Variants in MORN2 observed in about 807,000 individuals in gnomAD.
MORN2 encodes the protein MORN repeat containing 2, also known as MORN repeat-containing protein 2.
In MORN2, 15 loss-of-function variants were observed where a neutral mutation model predicts 13.4. The observed-to-expected ratio is 1.12, with a 90% CI of 0.75 to 1.72. The LOEUF is 1.72. MORN2 is among the 40% of genes most tolerant of loss of function. MORN2 has a pLI of 0.00. For missense variants in MORN2, 168 were observed against 134.6 expected, an observed-to-expected ratio of 1.25 and a Z score of -1.23; for synonymous variants, 46 against 43.6, an observed-to-expected ratio of 1.06 and a Z score of -0.22.
At chr2:38,882,207 G>T (rs1466562439) in intron 4 of MORN2, among the ~76,000 whole-genome samples, 1 of 148,436 alleles carries the variant, frequency 6.7e-6, no homozygotes, top group Non-Finnish European at 1.5e-5. Context: ...GTTTTTGTTT[G>T]GAATAGTATG....
intron 1 of MORN2, among the ~76,000 whole-genome samples, chr2:38,879,008 GT>G (rs1322207559): frequency 6.6e-6 from 1 of 152,184 alleles, no homozygotes; most frequent in Non-Finnish European, 1.5e-5. Context: ...GGAAAATACA[GT>G]TTCTAGTTTT....
At chr2:38,879,119 G>GGACC (rs1192149596) in intron 1 of MORN2, among the ~76,000 whole-genome samples, 1 of 152,120 alleles carries the variant, frequency 6.6e-6, no homozygotes, top group Non-Finnish European at 1.5e-5. Flanking sequence ...GTCTCATTCT[G>GGACC]TGTGGACCTA....
intron 2 of MORN2, 25 bp from the exon 3 acceptor site, chr2:38,880,575 T>A (rs1665750904): frequency 7.0e-7 from 1 of 1,434,144 alleles, no homozygotes; most frequent in Non-Finnish European, 9.4e-7. Flanking sequence ...TCATTTATAA[T>A]CTTCAGTTTT....
At chr2:38,878,877 TG>T (rs1424868671) in intron 1 of MORN2, among the ~76,000 whole-genome samples, 1 of 152,154 alleles carries the variant, frequency 6.6e-6, no homozygotes, top group African/African-American at 2.4e-5. Flanking sequence ...TAAATTCCCT[TG>T]CCCCACCCGT....
chr2:38,882,350 C>G (rs1665793767), intron 4 of MORN2, 63 bp from the exon 5 acceptor site: 1 of 950,380 alleles, frequency 1.1e-6, no homozygotes. Context: ...GCTAGAAAAT[C>G]TTATATCTGG....
Position 38,880,714 on chromosome 2 carries a change from T to A in MORN2, c.216+8T>A. The A allele has an allele frequency of 6.5e-7, 1 of 1,549,950 alleles. No individual in the cohort carries two copies. The highest frequency in any genetic ancestry group is 8.7e-7 in the Non-Finnish European group (1 of 1,146,690). ...AGCTGGAAAGATGACAAGGTATTATTGTTGTTTTTAATATTGGCAGTGGAT... is the reference window on the plus strand; with the variant it reads ...AGCTGGAAAGATGACAAGGTATTATAGTTGTTTTTAATATTGGCAGTGGAT... On this transcript the variant is annotated splice_region_variant and intron_variant, in intron 3 of 4. Transcript: ENST00000644631.
rs1279869470 is a variant in MORN2, at chr2:38,876,083, G to A, written c.31G>A (p.Glu11Lys). The change falls in exon 1 of 5, where the codon GAA (glutamate) becomes AAA (lysine). Residue 11 changes from glutamate to lysine, a missense_variant. Physicochemically the swap from Glu to Lys is moderately conservative, Grantham distance 56 (BLOSUM62 1). Coordinates refer to ENST00000644631, the MANE Select transcript of MORN2 (RefSeq NM_001145450.3). ...CGCCCAGGGGGAGTCGCAGAGTTTG[G>A]AAGATCTCTCTAACACCTCTCGGCC... is the stretch of plus-strand genomic sequence containing the variant. The A allele has an allele frequency of 2.5e-6, 1 of 398,670 alleles. No individual in the cohort carries two copies. Among genetic ancestry groups the A allele is most frequent in the Non-Finnish European group, 4.4e-6 (1 of 226,204 alleles). 24.7% of individuals were successfully genotyped at this position (398,670 alleles called of 1,614,324 possible).
Position 38,880,200 on chromosome 2 carries a change from G to C in MORN2, c.80G>C (p.Ser27Thr), listed in dbSNP as rs1001005568. ...ACAGCTTCAGAAGTGTATAAGATCA[G>C]CTTTATCTTTCCAAATGGAGACAAG... The change falls in exon 2 of 5, where the codon AGC becomes ACC. Residue 27 changes from serine to threonine, a missense_variant. By Grantham distance (58) the Ser-to-Thr change is moderately conservative. Coordinates refer to ENST00000644631, the MANE Select transcript of MORN2 (RefSeq NM_001145450.3). 2.5e-6 allele frequency: 1 copy of C among 398,888 alleles called. No individual in the cohort carries two copies. The highest frequency in any genetic ancestry group is 2.1e-5 in the African/African-American group (1 of 48,612). The allele number at this position is 398,888 out of a possible 1,614,324, so 24.7% of individuals were successfully genotyped here. A position where few individuals can be genotyped will look rare whatever the true frequency, so the allele number is the denominator to read the frequency against.
chr2:38,877,865 G>C (rs538463921), intron 1 of MORN2, among the ~76,000 whole-genome samples: 1 of 151,320 alleles, frequency 6.6e-6, no homozygotes, highest in Middle Eastern at 3.2e-3. Context: ...GGGTGTGATC[G>C]GACTCACTGC....
rs1665775356 is a variant in MORN2, at chr2:38,881,442, A to G, written c.217A>G (p.Met73Val). 6.5e-7 allele frequency: 1 copy of G among 1,533,356 alleles called. No homozygotes were observed. The highest frequency in any genetic ancestry group is 8.8e-7 in the Non-Finnish European group (1 of 1,142,092). The allele number at this position is 1,533,356 out of a possible 1,614,324, so 95.0% of individuals were successfully genotyped here. The change falls in exon 4 of 5, where the codon ATG becomes GTG. Residue 73 changes from methionine (M) to valine (V), a missense_variant and splice_region_variant. Coordinates refer to ENST00000644631, the MANE Select transcript of MORN2 (RefSeq NM_001145450.3). Reference sequence around the variant, plus strand: ...AGGTAATTTCCTTTGTTACAAACAGATGAATGGTTTTGGAAGACTTGAGCA... The same window carrying G: ...AGGTAATTTCCTTTGTTACAAACAGGTGAATGGTTTTGGAAGACTTGAGCA...
rs745431195 is a variant in MORN2 at position 38,881,578 on chromosome 2, G to A, written c.353G>A (p.Arg118Lys). 6 of 1,504,290 alleles carry A rather than the reference G, an allele frequency of 4.0e-6. No homozygotes were observed. In the South Asian group the frequency reaches 8.0e-5, roughly 20 times the overall value. The allele number at this position is 1,504,290 out of a possible 1,614,324, so 93.2% of individuals were successfully genotyped here. A position where few individuals can be genotyped will look rare whatever the true frequency, so the allele number is the denominator to read the frequency against. ...TATACTGGAAATTTCAATGAAAATA[G>A]GTAAGCTTAAAATAAAAAAAAATCA... Residue 118 changes from arginine to lysine, a missense_variant and splice_region_variant, in exon 4 of 5, where the codon AGG becomes AAG. Coordinates refer to ENST00000644631, the MANE Select transcript of MORN2 (RefSeq NM_001145450.3).
Position 38,876,016 on chromosome 2 carries a change from A to C in MORN2, c.-37A>C, listed in dbSNP as rs1390216042. On this transcript the variant is annotated 5_prime_UTR_variant, in exon 1 of 5. Coordinates refer to ENST00000644631, the MANE Select transcript of MORN2 (RefSeq NM_001145450.3). ...GCCCCAGCAACCAAGTCGCACCTGGAGCTGTCCTAGCGCCTAGTTCTCTCC... is the reference window on the plus strand; with the variant it reads ...GCCCCAGCAACCAAGTCGCACCTGGCGCTGTCCTAGCGCCTAGTTCTCTCC... 5.0e-6 allele frequency: 2 copies of C among 398,684 alleles called. No homozygotes were observed. Among genetic ancestry groups the C allele is most frequent in the Non-Finnish European group, 8.8e-6 (2 of 226,286 alleles). The allele number at this position is 398,684 out of a possible 1,614,324, so 24.7% of individuals were successfully genotyped here.
rs1304720146 is a variant in MORN2, at chr2:38,881,509, T to C, written c.284T>C (p.Met95Thr). Reference sequence around the variant, plus strand: ...TATGAAGGACAATTTAAGGATAATATGTTTCATGGACTGGGGACTTACACA... The same window carrying C: ...TATGAAGGACAATTTAAGGATAATACGTTTCATGGACTGGGGACTTACACA... Residue 95 changes from methionine (M) to threonine (T), a missense_variant, in exon 4 of 5, where the codon ATG becomes ACG. Physicochemically the swap from Met to Thr is moderately conservative, Grantham distance 81. Transcript: ENST00000644631. 6.5e-7 allele frequency: 1 copy of C among 1,545,308 alleles called. No homozygotes were observed. The highest frequency in any genetic ancestry group is 1.2e-5 in the South Asian group (1 of 82,204).
intron 1 of MORN2, 43 bp downstream of exon 1, chr2:38,876,153 C>T: frequency 2.5e-6 from 1 of 398,718 alleles, no homozygotes; most frequent in Non-Finnish European, 4.4e-6. Flanking sequence ...AGAAGAGCTC[C>T]TTTAAGTCGA....
intron 4 of MORN2, among the ~76,000 whole-genome samples, chr2:38,882,066 T>C (rs774470076): frequency 6.6e-5 from 10 of 152,220 alleles, no homozygotes; most frequent in Non-Finnish European, 1.5e-4. Flanking sequence ...AGTGAAAAAA[T>C]ATTTGTTGAA....
At chr2:38,877,054 C>T (rs888142653) in intron 1 of MORN2, among the ~76,000 whole-genome samples, 16 of 152,096 alleles carry the variant, frequency 1.1e-4, no homozygotes, top group Non-Finnish European at 2.1e-4. Context: ...ACCCAGAGTA[C>T]GGCATGGCAT....
intron 1 of MORN2, among the ~76,000 whole-genome samples, chr2:38,879,662 T>C (rs1325617306): frequency 1.3e-5 from 2 of 152,116 alleles, no homozygotes; most frequent in African/African-American, 4.8e-5. Flanking sequence ...AGGGGAATCA[T>C]AATGGGTAAC....
chr2:38,882,226 T>C (rs1665791217), intron 4 of MORN2, among the ~76,000 whole-genome samples, 187 bp from the exon 5 acceptor site: 2 of 151,238 alleles, frequency 1.3e-5, no homozygotes, highest in Admixed American at 1.3e-4. Context: ...TGTGGTTTTT[T>C]TTTTTTTTTT....
chr2:38,880,746 C>T, intron 3 of MORN2, 40 bp downstream of exon 3: 2 of 1,545,602 alleles, frequency 1.3e-6, no homozygotes, highest in Non-Finnish European at 1.7e-6. Context: ...GGATAAATAA[C>T]CCTGTAGGTT....
Sources: allele counts gnomAD v4.1 joint callset (sites outside exome capture counted in the v4.1 genomes callset), GRCh38; gene constraint gnomAD v4.1.1; transcripts MANE v1.5; gene names NCBI Gene and HGNC (gene_info 2026-07-23, HGNC 2026-07-21).